The following HUS1 variants were observed in gnomAD, a reference collection of about 807,000 sequenced individuals.
HUS1 encodes checkpoint protein HUS1.
Under a neutral mutation model 32.6 loss-of-function variants are expected in HUS1, and 31 were observed. The ratio of observed to expected loss-of-function variants is 0.95; its 90% CI spans 0.72 to 1.28. HUS1 has a LOEUF of 1.28. Ranked by LOEUF, HUS1 falls within the 50% of genes most tolerant of loss-of-function variation. The probability of loss-of-function intolerance (pLI) is 0.00; values close to 1 mark genes in which losing one functional copy is unlikely to be tolerated. For synonymous variants in HUS1, 123 were observed against 116.6 expected, an observed-to-expected ratio of 1.06 and a Z score of -0.36; for missense variants, 340 against 337.7, an observed-to-expected ratio of 1.01 and a Z score of -0.05.
intron 7 of HUS1, among the ~76,000 whole-genome samples, chr7:47,967,248 G>A (rs1788497577): frequency 6.6e-6 from 1 of 152,176 alleles, no homozygotes; most frequent in African/African-American, 2.4e-5. Flanking sequence ...CTCATGTGTG[G>A]TCAGTAGATG....
chr7:47,979,573 C>T lies in HUS1; in HGVS notation c.-54G>A. Reference sequence around the variant, plus strand: ...CTCTGTGGGTAACAGAAAAGCGTCGCGCCCTGAGTGTCCCCGCCCGGAAAC... The same window carrying T: ...CTCTGTGGGTAACAGAAAAGCGTCGTGCCCTGAGTGTCCCCGCCCGGAAAC... On this transcript the variant is annotated 5_prime_UTR_variant, in exon 1 of 8. Transcript: ENST00000258774. The T allele has an allele frequency of 7.1e-7, 1 of 1,413,750 alleles. No homozygotes were observed. Among genetic ancestry groups the T allele is most frequent in the Non-Finnish European group, 1.0e-6 (1 of 1,004,898 alleles). 87.6% of individuals were successfully genotyped at this position (1,413,750 alleles called of 1,614,324 possible). A position where few individuals can be genotyped will look rare whatever the true frequency, so the allele number is the denominator to read the frequency against.
At chr7:47,977,617 C>T (rs915144661) in intron 3 of HUS1, among the ~76,000 whole-genome samples, 1 of 152,148 alleles carries the variant, frequency 6.6e-6, no homozygotes, top group South Asian at 2.1e-4. Flanking sequence ...CTGGGCTGGG[C>T]GCCGTGGCTC....
intron 3 of HUS1, among the ~76,000 whole-genome samples, chr7:47,977,375 G>C (rs975651824): frequency 3.3e-5 from 5 of 151,908 alleles, no homozygotes; most frequent in Non-Finnish European, 5.9e-5. Flanking sequence ...AGGACACTCA[G>C]AGTGCTGCAG....
At chr7:47,973,190 C>T (rs1788633434) in intron 5 of HUS1, among the ~76,000 whole-genome samples, 1 of 152,138 alleles carries the variant, frequency 6.6e-6, no homozygotes, top group Non-Finnish European at 1.5e-5. Flanking sequence ...GTCAATTAAA[C>T]CTCTTTTGTT....
In HUS1 at chr7:47,978,824, AG is replaced by A. The variant is rs1788765953; in HGVS notation, c.53-9del. ...CTATCATGTTACTGATTCCTAAAGC[AG>A]GGGTTAAAATAAGGAATTACTAAAA... On this transcript the variant is annotated splice_polypyrimidine_tract_variant and intron_variant, in intron 1 of 7. Transcript: ENST00000258774. 1 of 1,612,988 alleles carries A rather than the reference AG, an allele frequency of 6.2e-7. No individual in the cohort carries two copies. Among genetic ancestry groups the A allele is most frequent in the Non-Finnish European group, 8.5e-7 (1 of 1,179,692 alleles).
chr7:47,972,403 T>C (rs1447023746), intron 5 of HUS1, among the ~76,000 whole-genome samples: 1 of 152,336 alleles, frequency 6.6e-6, no homozygotes, highest in East Asian at 1.9e-4. Context: ...CTCCTAACCA[T>C]TAACACCTGG....
chr7:47,977,195 G>C (rs1042173165), intron 3 of HUS1, among the ~76,000 whole-genome samples: 4 of 152,118 alleles, frequency 2.6e-5, no homozygotes, highest in South Asian at 2.1e-4. Flanking sequence ...CTTAGACTGA[G>C]GAGGTGACAT....
At chr7:47,965,899 T>C (rs1788468029) in intron 7 of HUS1, among the ~76,000 whole-genome samples, 1 of 151,594 alleles carries the variant, frequency 6.6e-6, no homozygotes, top group Admixed American at 6.6e-5. Flanking sequence ...CCATGGGTGA[T>C]GGCTAAAATC....
At chr7:47,970,623 AC>A (rs1788579264) in intron 5 of HUS1, among the ~76,000 whole-genome samples, 1 of 152,204 alleles carries the variant, frequency 6.6e-6, no homozygotes, top group Admixed American at 6.5e-5. Flanking sequence ...ACAGCTCAAA[AC>A]TTTCCTGAAG....
At chr7:47,967,731 T>A in intron 7 of HUS1, 75 bp downstream of exon 7, 10 of 1,064,450 alleles carry the variant, frequency 9.4e-6, no homozygotes, top group South Asian at 1.9e-5. Context: ...CTATATGCAA[T>A]CTGTTAGACT....
At chr7:47,972,671 GC>G (rs1788622246) in intron 5 of HUS1, among the ~76,000 whole-genome samples, 1 of 119,384 alleles carries the variant, frequency 8.4e-6, no homozygotes, top group Non-Finnish European at 1.9e-5. Flanking sequence ...AACTGACGAA[GC>G]CCCTGTCATA....
chr7:47,968,053 T>G (rs751990736), intron 6 of HUS1, 128 bp from the exon 7 acceptor site: 2 of 883,686 alleles, frequency 2.3e-6, no homozygotes, highest in Non-Finnish European at 1.7e-6. Context: ...GAAGAAATAT[T>G]GCAACTTGTA....
In HUS1 at chr7:47,975,623, C is replaced by T; in HGVS notation, c.530G>A (p.Ser177Asn). The change falls in exon 5 of 8, where the codon AGC (serine) becomes AAC (asparagine). Residue 177 changes from serine (S) to asparagine (N), a missense_variant. Transcript: ENST00000258774. ...KSVVEKMKNI[S>N]NHLVIEANLD... ...GAAGTTGTGACTTACAAGGTGATTGCTGATGTTTTTCATTTTTTCCACAAC... is the reference window on the plus strand; with the variant it reads ...GAAGTTGTGACTTACAAGGTGATTGTTGATGTTTTTCATTTTTTCCACAAC... 1 of 1,600,328 alleles carries T rather than the reference C, an allele frequency of 6.2e-7. No individual in the cohort carries two copies. Among genetic ancestry groups the T allele is most frequent in the Non-Finnish European group, 8.6e-7 (1 of 1,168,022 alleles).
At chr7:47,970,101 C>T (rs1433997286) in intron 5 of HUS1, among the ~76,000 whole-genome samples, 10 of 151,452 alleles carry the variant, frequency 6.6e-5, no homozygotes, top group Non-Finnish European at 1.5e-4. Context: ...GGCGTGGTGG[C>T]GGGCGCCTGT....
chr7:47,966,218 G>T (rs894741336), intron 7 of HUS1, among the ~76,000 whole-genome samples: 1 of 152,134 alleles, frequency 6.6e-6, no homozygotes, highest in Non-Finnish European at 1.5e-5. Flanking sequence ...TAGAGGAGGG[G>T]ACAATTGAGC....
chr7:47,968,582 T>A (rs1788529126), intron 6 of HUS1, among the ~76,000 whole-genome samples: 1 of 152,330 alleles, frequency 6.6e-6, no homozygotes, highest in Admixed American at 6.5e-5. Flanking sequence ...TTTCTCATCA[T>A]CCCCAGGTGT....
At chr7:47,969,359 C>A (rs1410132165) in intron 5 of HUS1, 41 bp from the exon 6 acceptor site, 6 of 1,198,778 alleles carry the variant, frequency 5.0e-6, no homozygotes, top group Admixed American at 4.0e-5. Context: ...AAAAGGAAGC[C>A]AAAAGGAAAA....
intron 3 of HUS1, among the ~76,000 whole-genome samples, chr7:47,977,881 G>C (rs1354692811): frequency 1.3e-5 from 2 of 152,174 alleles, no homozygotes; most frequent in Non-Finnish European, 1.5e-5. Flanking sequence ...GTGATAGAGA[G>C]ACTCCGTCTC....
Position 47,967,868 on chromosome 7 carries a change from T to C in HUS1, c.698A>G (p.Asp233Gly), listed in dbSNP as rs775753755. 3.7e-6 allele frequency: 6 copies of C among 1,613,934 alleles called. No individual in the cohort carries two copies. In the Admixed American group the frequency reaches 8.3e-5, roughly 22 times the overall value. Residue 233 changes from aspartate to glycine, a missense_variant, in exon 7 of 8, where the codon GAT (aspartate) becomes GGT (glycine). Asp to Gly is a moderately conservative substitution (Grantham distance 94). Transcript: ENST00000258774. ...AAGAAACTGTAGGAGCTTCCTAATA[T>C]CTATGTGCACTTCAGCCATGTGTTC... ...NVEHMAEVHI[D>G]IRKLLQFLAG...
Sources: allele counts gnomAD v4.1 joint callset (sites outside exome capture counted in the v4.1 genomes callset), GRCh38; gene constraint gnomAD v4.1.1; transcripts MANE v1.5; gene names NCBI Gene and HGNC (gene_info 2026-07-23, HGNC 2026-07-21).